CCDC85A: variants seen among roughly 807,000 people sequenced by gnomAD.
CCDC85A encodes coiled-coil domain-containing protein 85A.
A neutral mutation model predicts 50.2 loss-of-function variants in CCDC85A; 38 were observed. The observed-to-expected ratio is 0.76, with a 90% CI of 0.58 to 0.99. The LOEUF (loss-of-function observed/expected upper bound fraction) is 0.99, where lower values mean the gene tolerates loss of function less well. CCDC85A is among the 50% of genes least tolerant of loss of function. The pLI, the probability that CCDC85A is intolerant of heterozygous loss-of-function variation, is 0.00. For missense variants in CCDC85A, 820 were observed against 742.0 expected (o/e 1.11, Z -1.22); for synonymous variants, 366 against 301.4 (o/e 1.21, Z -2.22).
intron 2 of CCDC85A, among the ~76,000 whole-genome samples, chr2:56,269,334 G>GGTGTGTGTGTGTGT (rs70955014): frequency 0.025 from 3,804 of 149,266 alleles, 53 homozygotes; most frequent in Non-Finnish European, 0.035. Context: ...CCTTGGCAAG[G>GGTGTGTGTGTGTGT]GTGTGTGTGT....
At chr2:56,344,241 T>C in intron 3 of CCDC85A, among the ~76,000 whole-genome samples, 1 of 152,180 alleles carries the variant, frequency 6.6e-6, no homozygotes, top group East Asian at 1.9e-4. Context: ...AATAACAAAG[T>C]TATTATTAGT....
chr2:56,378,904 C>A (rs530411887), intron 5 of CCDC85A, among the ~76,000 whole-genome samples: 1 of 152,250 alleles, frequency 6.6e-6, no homozygotes, highest in African/African-American at 2.4e-5. Context: ...TTTTGTATTA[C>A]TTCAACACTT....
At position 56,193,262 on chromosome 2, in the gene CCDC85A, CA is replaced by C; in HGVS notation, c.1063del (p.Arg355GlyfsTer58). 6.2e-7 allele frequency: 1 copy of C among 1,612,092 alleles called. No individual in the cohort carries two copies. On this transcript the variant is annotated frameshift_variant, in exon 2 of 6. Transcript: ENST00000407595. LOFTEE classifies it high-confidence loss of function. ...GGSLEHLPRA[R>X]GTSPEHLKQH... is the part of the protein sequence containing the mutation. ...GGAGCCTAGAGCATCTCCCCAGAGC[CA>C]GGGGCACCAGCCCGGAGCACCTCAA...
intron 3 of CCDC85A, among the ~76,000 whole-genome samples, chr2:56,368,877 A>G (rs1675937302): frequency 6.6e-6 from 1 of 152,020 alleles, no homozygotes; most frequent in Admixed American, 6.6e-5. Context: ...GAAACTCAGT[A>G]TATTTGTTTT....
intron 2 of CCDC85A, among the ~76,000 whole-genome samples, chr2:56,292,805 A>G (rs1273949119): frequency 6.6e-6 from 1 of 152,190 alleles, no homozygotes; most frequent in Non-Finnish European, 1.5e-5. Context: ...ATTCTATTCC[A>G]TTATGGCCCA....
At chr2:56,220,178 G>A (rs772170196) in intron 2 of CCDC85A, among the ~76,000 whole-genome samples, 4 of 151,876 alleles carry the variant, frequency 2.6e-5, no homozygotes, top group South Asian at 2.1e-4. Flanking sequence ...ACATCCTTTC[G>A]TGCATATATT....
intron 2 of CCDC85A, among the ~76,000 whole-genome samples, chr2:56,194,441 G>A (rs910178982): frequency 3.3e-5 from 5 of 152,184 alleles, no homozygotes; most frequent in Non-Finnish European, 7.4e-5. Context: ...TTTATATACT[G>A]TGGGGTTTTG....
chr2:56,288,509 A>G (rs1342001968), intron 2 of CCDC85A, among the ~76,000 whole-genome samples: 5 of 152,168 alleles, frequency 3.3e-5, no homozygotes, highest in Non-Finnish European at 7.3e-5. Flanking sequence ...GTCTGCATGC[A>G]TATTTTAGCC....
chr2:56,203,927 G>T (rs1400553550), intron 2 of CCDC85A, among the ~76,000 whole-genome samples: 1 of 152,116 alleles, frequency 6.6e-6, no homozygotes, highest in African/African-American at 2.4e-5. Context: ...TAAAGGGCTG[G>T]ATAACGGCAT....
chr2:56,360,262 C>T (rs1675457960), intron 3 of CCDC85A, among the ~76,000 whole-genome samples: 2 of 152,198 alleles, frequency 1.3e-5, no homozygotes, highest in African/African-American at 2.4e-5. Context: ...TTTCAGAATG[C>T]TTTGCAATCA....
intron 3 of CCDC85A, among the ~76,000 whole-genome samples, chr2:56,367,977 T>C (rs1213640175): frequency 6.6e-6 from 1 of 152,124 alleles, no homozygotes; most frequent in Admixed American, 6.5e-5. Flanking sequence ...TCCAAAGTCA[T>C]GCAGCTCATA....
chr2:56,207,776 A>G (rs1266476999), intron 2 of CCDC85A, among the ~76,000 whole-genome samples: 2 of 152,160 alleles, frequency 1.3e-5, no homozygotes, highest in African/African-American at 4.8e-5. Context: ...TTTAAAGGAA[A>G]CCAAGCTTTT....
intron 5 of CCDC85A, chr2:56,379,702 C>G (rs1022431815): frequency 1.6e-6 from 1 of 637,150 alleles, no homozygotes; most frequent in Non-Finnish European, 2.0e-6. Context: ...TCATAACTAA[C>G]AAGCTTTTTT....
intron 2 of CCDC85A, among the ~76,000 whole-genome samples, chr2:56,341,012 T>C (rs1002870886): frequency 6.6e-6 from 1 of 152,086 alleles, no homozygotes; most frequent in Non-Finnish European, 1.5e-5. Context: ...GTTTTATACA[T>C]TGGCGTACTT....
In CCDC85A at chr2:56,283,697, T is replaced by A. The variant is rs552916118; in HGVS notation, c.1241-59182T>A. Among the ~76,000 whole-genome samples, 7 of 152,322 alleles carry A rather than the reference T, an allele frequency of 4.6e-5. 1 individual carries two copies. The East Asian group carries it at 1.3e-3, about 29-fold the overall frequency. On this transcript the variant is annotated intron_variant, in intron 2 of 5. Transcript: ENST00000407595. ...ATTTCATTTACATTAGTAAAATTAC[T>A]GGTATGAGTTGTGATATCTGTAGGA...
intron 3 of CCDC85A, among the ~76,000 whole-genome samples, chr2:56,349,914 T>G (rs1159552532): frequency 6.6e-6 from 1 of 151,842 alleles, no homozygotes; most frequent in Non-Finnish European, 1.5e-5. Flanking sequence ...TTGCAAAAAA[T>G]TATGGGACCC....
rs148858665 is a variant in CCDC85A at position 56,350,792 on chromosome 2, T to A, written c.1317+7837T>A. Among the ~76,000 whole-genome samples the A allele has an allele frequency of 9.2e-4, 140 of 151,404 alleles. 2 individuals are homozygous for A. Among genetic ancestry groups the A allele is most frequent in the African/African-American group, 3.1e-3 (127 of 41,388 alleles). The stretch of plus-strand genomic sequence containing the variant: ...TCTATTGCATGGACATAGCATAATT[T>A]ATTTAGTCAGCCATCCTATTGATAG... On this transcript the variant is annotated intron_variant, in intron 3 of 5. Coordinates refer to ENST00000407595, the MANE Select transcript of CCDC85A (RefSeq NM_001080433.2).
Position 56,384,631 on chromosome 2 carries a change from C to T in CCDC85A, c.*276C>T, listed in dbSNP as rs999984200. Reference sequence around the variant, plus strand: ...GCTTTGAAAATCAACATTTTGGTACCAGTGTTTTCATTAGAAATAAGTGTT... The same window carrying T: ...GCTTTGAAAATCAACATTTTGGTACTAGTGTTTTCATTAGAAATAAGTGTT... On this transcript the variant is annotated 3_prime_UTR_variant, in exon 6 of 6. Transcript: ENST00000407595. 21 of 322,114 alleles carry T rather than the reference C, an allele frequency of 6.5e-5. No homozygotes were observed. Among genetic ancestry groups the T allele is most frequent in the African/African-American group, 4.4e-4 (21 of 47,994 alleles). The allele number at this position is 322,114 out of a possible 1,614,324, so 20.0% of individuals were successfully genotyped here.
intron 2 of CCDC85A, among the ~76,000 whole-genome samples, chr2:56,243,871 A>G (rs545804295): frequency 6.6e-6 from 1 of 152,324 alleles, no homozygotes; most frequent in East Asian, 1.9e-4. Context: ...GCCCAGTGAT[A>G]CCATAGTTCT....
Sources: allele counts gnomAD v4.1 joint callset (sites outside exome capture counted in the v4.1 genomes callset), GRCh38; gene constraint gnomAD v4.1.1; transcripts MANE v1.5; gene names NCBI Gene and HGNC (gene_info 2026-07-23, HGNC 2026-07-21).